The following FILIP1L variants were observed in gnomAD, a reference collection of about 807,000 sequenced individuals.
FILIP1L encodes filamin A interacting protein 1 like.
Under a neutral mutation model 96.6 loss-of-function variants are expected in FILIP1L, and 55 were observed. That is an observed-to-expected ratio of 0.57 (90% CI 0.46 to 0.71). The LOEUF is 0.71. FILIP1L is among the 30% of genes least tolerant of loss of function. FILIP1L has a pLI of 0.00. For synonymous variants in FILIP1L, 467 were observed against 473.9 expected (o/e 0.99, Z 0.19); for missense variants, 1,304 against 1,321.2 (o/e 0.99, Z 0.20).
intron 5 of FILIP1L, among the ~76,000 whole-genome samples, chr3:99,838,038 G>A (rs1404723881): frequency 1.3e-5 from 2 of 152,132 alleles, no homozygotes; most frequent in South Asian, 2.1e-4. Context: ...CATCTCTGAG[G>A]CTAATCAGGT....
intron 1 of FILIP1L, among the ~76,000 whole-genome samples, chr3:99,994,282 A>G (rs1366210641): frequency 6.6e-6 from 1 of 152,230 alleles, no homozygotes; most frequent in Non-Finnish European, 1.5e-5. Context: ...CAATACAATA[A>G]TAGTAGGGGA....
chr3:100,103,700 A>G (rs1255324238), intron 1 of FILIP1L, among the ~76,000 whole-genome samples: 1 of 152,204 alleles, frequency 6.6e-6, no homozygotes, highest in Non-Finnish European at 1.5e-5. Flanking sequence ...TCCAGCAGCT[A>G]TTACAAACTG....
intron 1 of FILIP1L, among the ~76,000 whole-genome samples, chr3:99,975,893 T>TTTG (rs533765835): frequency 2.0e-5 from 3 of 152,286 alleles, no homozygotes; most frequent in East Asian, 1.9e-4. Context: ...AATGTCTCTT[T>TTTG]TTGTTGTTGT....
At chr3:100,080,337 A>G (rs1471414017) in intron 1 of FILIP1L, among the ~76,000 whole-genome samples, 2 of 152,068 alleles carry the variant, frequency 1.3e-5, no homozygotes, top group Non-Finnish European at 2.9e-5. Flanking sequence ...AAAAAATTTA[A>G]TAACTCTAGG....
intron 1 of FILIP1L, among the ~76,000 whole-genome samples, chr3:100,064,796 A>C (rs1344971842): frequency 6.6e-6 from 1 of 152,178 alleles, no homozygotes; most frequent in Non-Finnish European, 1.5e-5. Context: ...CAATTTGACA[A>C]ACAGCTAATT....
chr3:99,896,889 G>A (rs793460), intron 4 of FILIP1L, among the ~76,000 whole-genome samples: 40,399 of 152,022 alleles, frequency 0.27, 6,065 homozygotes, highest in Admixed American at 0.34. Context: ...TGTATACAAC[G>A]GGTGCTGAAG....
chr3:100,057,461 G>A (rs2065484894), intron 1 of FILIP1L, among the ~76,000 whole-genome samples: 1 of 152,226 alleles, frequency 6.6e-6, no homozygotes, highest in East Asian at 1.9e-4. Flanking sequence ...CAGAGTTGCT[G>A]CGGTTTCTCC....
intron 1 of FILIP1L, among the ~76,000 whole-genome samples, chr3:99,932,870 A>G (rs1707530798): frequency 6.6e-6 from 1 of 152,144 alleles, no homozygotes; most frequent in African/African-American, 2.4e-5. Context: ...AGCCTGGGTG[A>G]CAGAGTAAGA....
Position 99,850,442 on chromosome 3 carries a change from C to G in FILIP1L, c.1234G>C (p.Asp412His). The G allele has an allele frequency of 6.2e-7, 1 of 1,614,042 alleles. No homozygotes were observed. The change falls in exon 5 of 6, where the codon GAC becomes CAC. Residue 412 changes from aspartate to histidine, a missense_variant. Transcript: ENST00000477258. Reference sequence around the variant, plus strand: ...AGTTTTTCAACCTCTAGTTTAAAGTCTTTACTCTGTAACGTCTCCCTTTCA... The same window carrying G: ...AGTTTTTCAACCTCTAGTTTAAAGTGTTTACTCTGTAACGTCTCCCTTTCA... ...RLERETLQSK[D>H]FKLEVEKLSK...
rs984191569 is a variant in FILIP1L at position 99,829,850 on chromosome 3, G to C, written c.*564C>G. On this transcript the variant is annotated 3_prime_UTR_variant, in exon 6 of 6. Transcript: ENST00000477258. Reference sequence around the variant, plus strand: ...TTCTGCACAAAGGATATATTCGGCTGTTATTCACTTTTGTTATGCTTTTCC... The same window carrying C: ...TTCTGCACAAAGGATATATTCGGCTCTTATTCACTTTTGTTATGCTTTTCC... 8.5e-5 allele frequency among the ~76,000 whole-genome samples: 13 copies of C among 152,146 alleles called. No individual in the cohort carries two copies. Among genetic ancestry groups the C allele is most frequent in the Admixed American group, 7.9e-4 (12 of 15,280 alleles).
Position 99,829,752 on chromosome 3 carries a change from T to A in FILIP1L, c.*662A>T, listed in dbSNP as rs1202577542. Among the ~76,000 whole-genome samples the A allele has an allele frequency of 3.9e-5, 6 of 152,230 alleles. No homozygotes were observed. Among genetic ancestry groups the A allele is most frequent in the African/African-American group, 9.6e-5 (4 of 41,458 alleles). On this transcript the variant is annotated 3_prime_UTR_variant, in exon 6 of 6. Transcript: ENST00000477258. Reference sequence around the variant, plus strand: ...CCTGGAATATTGATTCATGTCTCCCTAAAATATCTCAATGTTACTGAGACT... The same window carrying A: ...CCTGGAATATTGATTCATGTCTCCCAAAAATATCTCAATGTTACTGAGACT...
At chr3:100,084,182 G>A (rs1204501551) in intron 1 of FILIP1L, among the ~76,000 whole-genome samples, 1 of 152,112 alleles carries the variant, frequency 6.6e-6, no homozygotes, top group African/African-American at 2.4e-5. Context: ...CCCCAGTTAA[G>A]CAAAAGCTCC....
At chr3:100,047,973 A>T (rs1011918282) in intron 1 of FILIP1L, among the ~76,000 whole-genome samples, 2 of 152,186 alleles carry the variant, frequency 1.3e-5, no homozygotes, top group Admixed American at 6.5e-5. Context: ...TGTCCCTCCT[A>T]TAGTGTAAAT....
intron 1 of FILIP1L, among the ~76,000 whole-genome samples, chr3:99,951,929 T>C (rs7638900): frequency 0.71 from 107,877 of 152,082 alleles, 38,607 homozygotes; most frequent in East Asian, 0.81. Context: ...TTGCCTTAGA[T>C]GAGGTTCTGA....
intron 1 of FILIP1L, among the ~76,000 whole-genome samples, chr3:100,082,360 C>T (rs2065945489): frequency 6.6e-6 from 1 of 152,210 alleles, no homozygotes; most frequent in African/African-American, 2.4e-5. Flanking sequence ...TTAAAAGGAA[C>T]TCCTCTGTAC....
chr3:99,931,722 A>T (rs1459712897), intron 1 of FILIP1L, among the ~76,000 whole-genome samples: 2 of 152,216 alleles, frequency 1.3e-5, no homozygotes, highest in East Asian at 3.8e-4. Flanking sequence ...CAAAGCGGAG[A>T]TACTACTACC....
chr3:99,926,900 A>T (rs1022156963), intron 3 of FILIP1L, among the ~76,000 whole-genome samples: 10 of 152,150 alleles, frequency 6.6e-5, no homozygotes, highest in Admixed American at 1.3e-4. Context: ...TGACCCCCTA[A>T]GTGGTCTCCC....
chr3:99,915,522 G>T (rs1349338479), intron 4 of FILIP1L, among the ~76,000 whole-genome samples: 1 of 152,036 alleles, frequency 6.6e-6, no homozygotes, highest in Non-Finnish European at 1.5e-5. Context: ...GTTCAGTCTT[G>T]ATTTCGCATA....
chr3:99,980,180 G>T (rs925542563), intron 1 of FILIP1L, among the ~76,000 whole-genome samples: 4 of 152,088 alleles, frequency 2.6e-5, no homozygotes, highest in Admixed American at 6.5e-5. Flanking sequence ...TAGTTTATTG[G>T]ACACTCGGAG....
Sources: gnomAD v4.1 joint callset for allele counts (sites outside exome capture counted in the v4.1 genomes callset) on GRCh38, gnomAD v4.1.1 for gene constraint, MANE v1.5 for transcripts, NCBI Gene and HGNC (gene_info 2026-07-23, HGNC 2026-07-21) for gene names.